Variants in PTPRU observed in about 807,000 individuals in gnomAD.
The protein encoded by PTPRU is protein tyrosine phosphatase receptor type U.
A neutral mutation model predicts 166.3 loss-of-function variants in PTPRU; 69 were observed. The observed-to-expected ratio is 0.41, with a 90% CI of 0.34 to 0.51. The LOEUF (loss-of-function observed/expected upper bound fraction) is 0.51. Among genes scored for constraint, PTPRU ranks in the 20% least tolerant of loss-of-function variants. The pLI, the probability that PTPRU is intolerant of heterozygous loss-of-function variation, is 0.09. For synonymous variants in PTPRU, 793 were observed against 814.0 expected (o/e 0.97, Z 0.44); for missense variants, 1,657 against 2,013.7 (o/e 0.82, Z 3.39).
intron 18 of PTPRU, chr1:29,307,239 T>C: frequency 6.9e-7 from 1 of 1,451,062 alleles, no homozygotes. Context: ...TCTGGCTGTC[T>C]GTCTCTCTGT....
At chr1:29,263,950 G>A (rs1290246983) in intron 7 of PTPRU, among the ~76,000 whole-genome samples, 4 of 152,108 alleles carry the variant, frequency 2.6e-5, no homozygotes, top group African/African-American at 4.8e-5. Flanking sequence ...GCCGAGGAGG[G>A]CAGATCATTT....
At chr1:29,254,425 A>G (rs888163076) in intron 1 of PTPRU, among the ~76,000 whole-genome samples, 12 of 152,292 alleles carry the variant, frequency 7.9e-5, no homozygotes, top group Middle Eastern at 3.4e-3. Context: ...TTCAACTGTT[A>G]GTACTGGTTG....
rs986170020 is a variant in PTPRU at position 29,326,789 on chromosome 1, C to T, written c.*1128C>T. 1 of 152,186 alleles carries T rather than the reference C, an allele frequency of 6.6e-6. No homozygotes were observed. Among genetic ancestry groups the T allele is most frequent in the Non-Finnish European group, 1.5e-5 (1 of 68,074 alleles). The allele number at this position is 152,186 out of a possible 1,614,324, so 9.4% of individuals were successfully genotyped here. On this transcript the variant is annotated 3_prime_UTR_variant, in exon 30 of 30. Coordinates refer to ENST00000373779, the MANE Select transcript of PTPRU (RefSeq NM_133178.4). Reference sequence around the variant, plus strand: ...AAAGCGCTTTGTAAATAAACGTGCTCTCTGAATGCCACAGAGCAGCCCTGT... The same window carrying T: ...AAAGCGCTTTGTAAATAAACGTGCTTTCTGAATGCCACAGAGCAGCCCTGT...
At position 29,311,627 on chromosome 1, in the gene PTPRU, C is replaced by T. The variant is rs1177843349; in HGVS notation, c.2956-16C>T. ...CAGCAAAGAGCCCACTGAGTCCCGT[C>T]CTGTGGGGCCTCTAGGTGAAATGCT... On this transcript the variant is annotated splice_polypyrimidine_tract_variant and intron_variant, in intron 20 of 29. Transcript: ENST00000373779. This position sits in a 1 kb window ranked among gnomAD's most constrained non-coding sequence, Gnocchi z 4.1. 1.2e-6 allele frequency: 2 copies of T among 1,613,912 alleles called. No individual in the cohort carries two copies. The highest frequency in any genetic ancestry group is 3.3e-5 in the Admixed American group (2 of 60,028).
chr1:29,308,961 C>T (rs940239261), intron 18 of PTPRU, among the ~76,000 whole-genome samples: 5 of 152,018 alleles, frequency 3.3e-5, no homozygotes, highest in South Asian at 2.1e-4. Flanking sequence ...CACTGGAGGT[C>T]GAGGCTGCAG....
intron 2 of PTPRU, among the ~76,000 whole-genome samples, chr1:29,256,642 T>C (rs534086269): frequency 6.9e-4 from 105 of 152,352 alleles, no homozygotes; most frequent in African/African-American, 2.4e-3. Context: ...GGGGCACTTA[T>C]CTCTGCCTCT....
At chr1:29,265,554 G>C (rs924058105) in intron 7 of PTPRU, among the ~76,000 whole-genome samples, 2 of 151,864 alleles carry the variant, frequency 1.3e-5, no homozygotes, top group African/African-American at 4.8e-5. Flanking sequence ...GGACAGATGG[G>C]GTTTCAGCAT....
chr1:29,241,915 G>A (rs909052897), intron 1 of PTPRU, among the ~76,000 whole-genome samples: 5 of 149,938 alleles, frequency 3.3e-5, no homozygotes, highest in African/African-American at 9.9e-5. Flanking sequence ...TTATTCAGAT[G>A]GAGTCTCGCT....
Position 29,320,560 on chromosome 1 carries a change from C to A in PTPRU, c.3688-125C>A. The A allele has an allele frequency of 8.5e-7, 1 of 1,171,572 alleles. No homozygotes were observed. The highest frequency in any genetic ancestry group is 1.1e-6 in the Non-Finnish European group (1 of 874,750). The allele number at this position is 1,171,572 out of a possible 1,614,324, so 72.6% of individuals were successfully genotyped here. ...ATCAGAAATGGCCCACTGGAGGCAG[C>A]CTGGTCCTGTGGGGCACAACCGTCC... On this transcript the variant is annotated intron_variant, in intron 25 of 29. Transcript: ENST00000373779. This position sits in a 1 kb window ranked among gnomAD's most constrained non-coding sequence, Gnocchi z 5.2.
chr1:29,265,488 G>A (rs973118637), intron 7 of PTPRU, among the ~76,000 whole-genome samples: 2 of 151,826 alleles, frequency 1.3e-5, no homozygotes, highest in African/African-American at 2.4e-5. Context: ...TCAGCCTCCC[G>A]AGTAGCTGGG....
At chr1:29,284,993 C>G in intron 14 of PTPRU, 124 bp downstream of exon 14, 1 of 1,294,080 alleles carries the variant, frequency 7.7e-7, no homozygotes, top group Non-Finnish European at 1.0e-6. Context: ...GGGCTGCCAG[C>G]CTGGGCATCG....
Position 29,259,580 on chromosome 1 carries a change from G to T in PTPRU, c.675+16G>T. Reference sequence around the variant, plus strand: ...CCTCTTGCAAGTGAGCGGGAGCGGTGATCTTGGCTGGGGGCGGGGTGGGAG... The same window carrying T: ...CCTCTTGCAAGTGAGCGGGAGCGGTTATCTTGGCTGGGGGCGGGGTGGGAG... On this transcript the variant is annotated intron_variant, in intron 5 of 29. Coordinates refer to ENST00000373779, the MANE Select transcript of PTPRU (RefSeq NM_133178.4). 8.1e-6 allele frequency: 4 copies of T among 490,896 alleles called. No individual in the cohort carries two copies. The highest frequency in any genetic ancestry group is 1.6e-5 in the Non-Finnish European group (4 of 252,948). The allele number at this position is 490,896 out of a possible 1,614,324, so 30.4% of individuals were successfully genotyped here.
intron 1 of PTPRU, among the ~76,000 whole-genome samples, chr1:29,242,284 C>T (rs984099519): frequency 2.0e-5 from 3 of 152,160 alleles, no homozygotes; most frequent in Non-Finnish European, 4.4e-5. Context: ...GGGGTGTGGA[C>T]GTGTTGGGTG....
intron 16 of PTPRU, 36 bp from the exon 17 acceptor site, chr1:29,304,738 C>G: frequency 1.9e-6 from 3 of 1,548,844 alleles, no homozygotes; most frequent in Non-Finnish European, 2.7e-6. Flanking sequence ...GTGAGGGTCC[C>G]TCTCTCCCAC....
At chr1:29,318,775 G>A (rs143971596) in intron 25 of PTPRU, among the ~76,000 whole-genome samples, 9 of 152,348 alleles carry the variant, frequency 5.9e-5, no homozygotes, top group African/African-American at 2.2e-4. Context: ...CTTTCCAAGG[G>A]TAGGCTGGCC....
rs1447879175 is a variant in PTPRU, at chr1:29,257,552, G to C, written c.206-953G>C. ...AGCCTAGTCCACTTCTACTCCACCAGTACCCAGCCTGGGTCTCTGGGGAAG... is the reference window on the plus strand; with the variant it reads ...AGCCTAGTCCACTTCTACTCCACCACTACCCAGCCTGGGTCTCTGGGGAAG... On this transcript the variant is annotated intron_variant, in intron 2 of 29. Coordinates refer to ENST00000373779, the MANE Select transcript of PTPRU (RefSeq NM_133178.4). The surrounding 1 kb of genome is among the most constrained non-coding windows in gnomAD (Gnocchi z 4.6). Among the ~76,000 whole-genome samples the C allele has an allele frequency of 6.6e-6, 1 of 152,198 alleles. No homozygotes were observed. The highest frequency in any genetic ancestry group is 2.4e-5 in the African/African-American group (1 of 41,444).
chr1:29,311,341 C>T lies in PTPRU; in HGVS notation c.2858-115C>T, dbSNP rs1225955150. ...GGTGTTGTGGGCAGCATGAAGCCCC[C>T]GTTGGGGCTCAGGAGGCCTCCTGGC... On this transcript the variant is annotated intron_variant, in intron 19 of 29. Transcript: ENST00000373779. This position sits in a 1 kb window ranked among gnomAD's most constrained non-coding sequence, Gnocchi z 4.1. 1.2e-5 allele frequency: 11 copies of T among 944,688 alleles called. No homozygotes were observed. Among genetic ancestry groups the T allele is most frequent in the East Asian group, 5.1e-5 (2 of 38,854 alleles). The allele number at this position is 944,688 out of a possible 1,614,324, so 58.5% of individuals were successfully genotyped here.
intron 1 of PTPRU, among the ~76,000 whole-genome samples, chr1:29,239,350 T>C (rs1407562543): frequency 6.6e-6 from 1 of 152,154 alleles, no homozygotes; most frequent in Non-Finnish European, 1.5e-5. Context: ...TTTTGTCCTT[T>C]TGGTCGCAGG....
chr1:29,306,755 C>A (rs954879379), intron 18 of PTPRU, among the ~76,000 whole-genome samples: 5 of 152,202 alleles, frequency 3.3e-5, no homozygotes, highest in Admixed American at 2.6e-4. Context: ...CCTCTCCTCT[C>A]CCTCTTCTTC....
Sources: gnomAD v4.1 joint callset for allele counts (sites outside exome capture counted in the v4.1 genomes callset) on GRCh38, gnomAD v4.1.1 for gene constraint, Gnocchi (gnomAD v3.1) non-coding constraint, MANE v1.5 for transcripts, NCBI Gene and HGNC (gene_info 2026-07-23, HGNC 2026-07-21) for gene names.